WWOX: variants seen among roughly 807,000 people sequenced by gnomAD.
WWOX encodes the protein WW domain containing oxidoreductase.
In WWOX, 69 loss-of-function variants were observed where a neutral mutation model predicts 46.2. The ratio of observed to expected loss-of-function variants is 1.49; its 90% CI spans 1.23 to 1.82. The LOEUF is 1.82. WWOX is among the 40% of genes most tolerant of loss of function. The pLI, the probability that WWOX is intolerant of heterozygous loss-of-function variation, is 0.00. For missense variants in WWOX, 919 were observed against 542.6 expected, an observed-to-expected ratio of 1.69 and a Z score of -6.89; for synonymous variants, 359 against 202.6, an observed-to-expected ratio of 1.77 and a Z score of -6.56.
chr16:78,423,830 A>C (rs2151959099), intron 6 of WWOX, among the ~76,000 whole-genome samples: 1 of 150,126 alleles, frequency 6.7e-6, no homozygotes, highest in African/African-American at 2.5e-5. Context: ...TGGATGACAG[A>C]GAAAGATCTT....
rs115701678 is a variant in WWOX, at chr16:78,740,599, G to C, written c.1056+307847G>C. 5.1e-3 allele frequency among the ~76,000 whole-genome samples: 781 copies of C among 152,286 alleles called. 7 individuals are homozygous for C. The highest frequency in any genetic ancestry group is 0.018 in the African/African-American group (740 of 41,556). Reference sequence around the variant, plus strand: ...CAGAGAGCACTCGTCTTTCAGGCATGGGGCGCCGTTTCATTTCTCCTAGTG... The same window carrying C: ...CAGAGAGCACTCGTCTTTCAGGCATCGGGCGCCGTTTCATTTCTCCTAGTG... On this transcript the variant is annotated intron_variant, in intron 8 of 8. Coordinates refer to ENST00000566780, the MANE Select transcript of WWOX (RefSeq NM_016373.4).
At chr16:78,487,879 C>G (rs192425975) in intron 8 of WWOX, among the ~76,000 whole-genome samples, 1 of 152,158 alleles carries the variant, frequency 6.6e-6, no homozygotes, top group African/African-American at 2.4e-5. Flanking sequence ...CATAAGGCAA[C>G]CTTATGTCAC....
At chr16:78,796,151 C>A (rs2050731334) in intron 8 of WWOX, among the ~76,000 whole-genome samples, 1 of 152,218 alleles carries the variant, frequency 6.6e-6, no homozygotes, top group African/African-American at 2.4e-5. Flanking sequence ...CCAGGACTTT[C>A]TTCCTTAATC....
intron 8 of WWOX, among the ~76,000 whole-genome samples, chr16:78,651,263 TGA>T (rs1169847764): frequency 1.3e-5 from 2 of 152,206 alleles, no homozygotes; most frequent in Non-Finnish European, 2.9e-5. Flanking sequence ...GAAAGGCAAA[TGA>T]GAGAGAGCGA....
At chr16:78,706,581 G>A (rs1205654541) in intron 8 of WWOX, among the ~76,000 whole-genome samples, 1 of 152,138 alleles carries the variant, frequency 6.6e-6, no homozygotes, top group East Asian at 1.9e-4. Context: ...AGCACACTTG[G>A]TGCAGTCTCT....
At chr16:78,650,067 C>T (rs1447870324) in intron 8 of WWOX, among the ~76,000 whole-genome samples, 1 of 152,068 alleles carries the variant, frequency 6.6e-6, no homozygotes, top group Non-Finnish European at 1.5e-5. Flanking sequence ...ACTGTCGTAG[C>T]AGCTAGAGGC....
intron 8 of WWOX, among the ~76,000 whole-genome samples, chr16:78,697,191 T>G (rs1471018370): frequency 1.3e-5 from 2 of 152,244 alleles, no homozygotes; most frequent in South Asian, 2.1e-4. Flanking sequence ...TTAGTGGGAT[T>G]GCTGGATCAA....
At chr16:78,121,861 ATGT>A (rs994674305) in intron 4 of WWOX, among the ~76,000 whole-genome samples, 8 of 152,126 alleles carry the variant, frequency 5.3e-5, no homozygotes, top group African/African-American at 1.9e-4. Context: ...AGGTTTTGCC[ATGT>A]TGTCCATACA....
chr16:78,537,160 G>A (rs2043778854), intron 8 of WWOX, among the ~76,000 whole-genome samples: 1 of 152,002 alleles, frequency 6.6e-6, no homozygotes, highest in African/African-American at 2.4e-5. Flanking sequence ...CAGGTGATCT[G>A]CCTGCCTCAG....
intron 5 of WWOX, among the ~76,000 whole-genome samples, chr16:78,188,484 T>G (rs1390801608): frequency 9.2e-6 from 1 of 108,464 alleles, no homozygotes; most frequent in East Asian, 2.7e-4. Context: ...CGAGACTCTG[T>G]CTCAAAAAAA....
At chr16:78,758,524 G>A (rs939032548) in intron 8 of WWOX, among the ~76,000 whole-genome samples, 1 of 152,222 alleles carries the variant, frequency 6.6e-6, no homozygotes, top group African/African-American at 2.4e-5. Context: ...TGTAATGCCA[G>A]TGTCGTAACG....
At chr16:78,788,843 A>G (rs909482798) in intron 8 of WWOX, among the ~76,000 whole-genome samples, 1 of 152,104 alleles carries the variant, frequency 6.6e-6, no homozygotes, top group African/African-American at 2.4e-5. Context: ...TGAGCCTCCA[A>G]CCTCCAACTA....
At chr16:78,428,137 G>C (rs1013669790) in intron 7 of WWOX, among the ~76,000 whole-genome samples, 2 of 152,172 alleles carry the variant, frequency 1.3e-5, no homozygotes, top group Non-Finnish European at 2.9e-5. Flanking sequence ...GAGGGGCGGG[G>C]GTCCCCCTAC....
intron 8 of WWOX, among the ~76,000 whole-genome samples, chr16:79,028,664 T>G (rs1307897921): frequency 6.6e-6 from 1 of 151,786 alleles, no homozygotes; most frequent in African/African-American, 2.4e-5. Context: ...AGTGCGTGTT[T>G]CTTTCGACAT....
rs2050389830 is a variant in WWOX at position 78,783,854 on chromosome 16, ATGACGCTGATG to A, written c.1056+351103_1056+351113del. Among the ~76,000 whole-genome samples the A allele has an allele frequency of 4.8e-5, 7 of 147,178 alleles. 1 individual carries two copies. Among genetic ancestry groups the A allele is most frequent in the African/African-American group, 1.8e-4 (7 of 39,440 alleles). ...TGATGGTGGTGATGATGATGGTGAT[ATGACGCTGATG>A]ATGGTGATGACGATGATAATGGTGA... is the stretch of plus-strand genomic sequence containing the variant. On this transcript the variant is annotated intron_variant, in intron 8 of 8. Transcript: ENST00000566780.
chr16:78,485,524 C>G (rs911976734), intron 8 of WWOX, among the ~76,000 whole-genome samples: 1 of 152,224 alleles, frequency 6.6e-6, no homozygotes, highest in Non-Finnish European at 1.5e-5. Flanking sequence ...ACCAACTCCC[C>G]TTTCAAACGT....
chr16:79,096,022 T>TG (rs1567547206), intron 8 of WWOX, among the ~76,000 whole-genome samples: 18 of 143,424 alleles, frequency 1.3e-4, no homozygotes, highest in South Asian at 4.4e-4. Flanking sequence ...GATAATTTTT[T>TG]TTTTTTTTTT....
intron 8 of WWOX, among the ~76,000 whole-genome samples, chr16:79,210,118 TTG>T (rs1567622636): frequency 1.3e-5 from 2 of 152,164 alleles, no homozygotes; most frequent in African/African-American, 4.8e-5. Context: ...ACCCAAGTCT[TTG>T]TCTCACTCAC....
intron 8 of WWOX, among the ~76,000 whole-genome samples, chr16:78,938,481 C>G (rs2045787498): frequency 6.6e-6 from 1 of 151,886 alleles, no homozygotes; most frequent in Admixed American, 6.6e-5. Context: ...CATGAGTTTT[C>G]TATCTCCTGC....
Sources: gnomAD v4.1 joint callset for allele counts (sites outside exome capture counted in the v4.1 genomes callset) on GRCh38, gnomAD v4.1.1 for gene constraint, MANE v1.5 for transcripts, NCBI Gene and HGNC (gene_info 2026-07-23, HGNC 2026-07-21) for gene names.